Variants in GABRA1 observed in about 807,000 individuals in gnomAD.
The protein encoded by GABRA1 is gamma-aminobutyric acid receptor subunit alpha-1.
In GABRA1, 9 loss-of-function variants were observed where a neutral mutation model predicts 48.9. The ratio of observed to expected loss-of-function variants is 0.18; its 90% CI spans 0.11 to 0.32. The LOEUF (loss-of-function observed/expected upper bound fraction) is 0.32, where lower values mean the gene tolerates loss of function less well. GABRA1 is among the 10% of genes least tolerant of loss of function. The probability of loss-of-function intolerance (pLI) is 1.00; values close to 1 mark genes in which losing one functional copy is unlikely to be tolerated. For synonymous variants in GABRA1, 210 were observed against 198.7 expected, an observed-to-expected ratio of 1.06 and a Z score of -0.48; for missense variants, 285 against 553.8, an observed-to-expected ratio of 0.51 and a Z score of 4.87.
chr5:161,886,463 G>T (rs1292351999), intron 7 of GABRA1, among the ~76,000 whole-genome samples: 1 of 151,774 alleles, frequency 6.6e-6, no homozygotes. Context: ...GTAAGTGTCC[G>T]ATATTACTAT....
chr5:161,892,320 G>A (rs546666648), intron 8 of GABRA1, among the ~76,000 whole-genome samples: 1 of 152,180 alleles, frequency 6.6e-6, no homozygotes, highest in East Asian at 1.9e-4. Context: ...TTCACCTGAA[G>A]AGATTCCTAT....
chr5:161,895,562 T>A, intron 8 of GABRA1, 104 bp from the exon 9 acceptor site: 1 of 1,040,814 alleles, frequency 9.6e-7, no homozygotes, highest in Non-Finnish European at 1.5e-6. Flanking sequence ...AACCACATTC[T>A]GTCATGATAC....
chr5:161,892,047 G>A (rs1298181292), intron 8 of GABRA1, among the ~76,000 whole-genome samples: 2 of 152,184 alleles, frequency 1.3e-5, no homozygotes, highest in East Asian at 3.9e-4. Context: ...GAGCCAGGAC[G>A]AAGACCCTAG....
chr5:161,896,514 T>A (rs1755374537), intron 9 of GABRA1, among the ~76,000 whole-genome samples: 1 of 152,104 alleles, frequency 6.6e-6, no homozygotes, highest in South Asian at 2.1e-4. Context: ...TGTCACAGCT[T>A]GGGAGGATAG....
intron 1 of GABRA1, among the ~76,000 whole-genome samples, chr5:161,849,331 C>T (rs1757348474): frequency 6.6e-6 from 1 of 152,068 alleles, no homozygotes; most frequent in Admixed American, 6.5e-5. Flanking sequence ...TCCCTTGTAA[C>T]AAACGATGAA....
At chr5:161,850,761 T>C in intron 1 of GABRA1, 35 bp from the exon 2 acceptor site, 13 of 1,557,110 alleles carry the variant, frequency 8.3e-6, no homozygotes, top group Non-Finnish European at 1.2e-5. Context: ...TGTTTCTTGC[T>C]AGAGACATTG....
intron 3 of GABRA1, among the ~76,000 whole-genome samples, chr5:161,860,840 G>C (rs1309900451): frequency 6.6e-6 from 1 of 151,716 alleles, no homozygotes; most frequent in African/African-American, 2.4e-5. Context: ...CAAGTTATAA[G>C]GTGCACAGTA....
Position 161,875,626 on chromosome 5 carries a change from A to C in GABRA1, c.543A>C (p.Pro181=), listed in dbSNP as rs780800247. 1 of 1,613,260 alleles carries C rather than the reference A, an allele frequency of 6.2e-7. No individual in the cohort carries two copies. The change falls in exon 6 of 10, where the codon CCA becomes CCC. Residue 181 remains proline (P), a synonymous_variant. Transcript: ENST00000393943. ...EDFPMDAHAC[P]LKFGSYAYTR... ...TCCCTATGGATGCCCATGCTTGCCC[A>C]CTAAAATTTGGAAGTTGTGAGTAAA...
At chr5:161,859,729 T>C (rs1757780592) in intron 3 of GABRA1, among the ~76,000 whole-genome samples, 1 of 151,802 alleles carries the variant, frequency 6.6e-6, no homozygotes, top group African/African-American at 2.4e-5. Context: ...AATATCTATT[T>C]TGTATTTATA....
At chr5:161,895,582 C>T (rs1755323793) in intron 8 of GABRA1, 84 bp from the exon 9 acceptor site, 1 of 1,229,962 alleles carries the variant, frequency 8.1e-7, no homozygotes, top group East Asian at 2.5e-5. Flanking sequence ...CTGTTGATTT[C>T]CTTTTGTTCA....
Position 161,848,270 on chromosome 5 carries a change from C to T in GABRA1, c.-168C>T, listed in dbSNP as rs531965222. On this transcript the variant is annotated 5_prime_UTR_variant, in exon 1 of 10. Transcript: ENST00000393943. ...CACGCAGAGTCCATGATGGCTCAGA[C>T]CAAGTGAGTGAGAGGCAGAGCGAGG... 1.3e-5 allele frequency: 2 copies of T among 152,302 alleles called. No individual in the cohort carries two copies. The highest frequency in any genetic ancestry group is 2.4e-5 in the African/African-American group (1 of 41,478). 9.4% of individuals were successfully genotyped at this position (152,302 alleles called of 1,614,324 possible).
intron 6 of GABRA1, chr5:161,882,330 C>G: frequency 1.8e-6 from 1 of 564,340 alleles, no homozygotes; most frequent in African/African-American, 1.9e-5. Context: ...AGTATTTTGT[C>G]CTTTGTAGAT....
rs1253598923 is a variant in GABRA1 at position 161,848,133 on chromosome 5, G to A, written c.-305G>A. The A allele has an allele frequency of 6.6e-6, 1 of 152,104 alleles. No homozygotes were observed. The highest frequency in any genetic ancestry group is 2.4e-5 in the African/African-American group (1 of 41,404). 9.4% of individuals were successfully genotyped at this position (152,104 alleles called of 1,614,324 possible). A position where few individuals can be genotyped will look rare whatever the true frequency, so the allele number is the denominator to read the frequency against. On this transcript the variant is annotated 5_prime_UTR_variant, in exon 1 of 10. Transcript: ENST00000393943. Reference sequence around the variant, plus strand: ...TGAAGTCACCGCCTATTTCACATCCGGTTTGCCCTGGGACGTATTACTACT... The same window carrying A: ...TGAAGTCACCGCCTATTTCACATCCAGTTTGCCCTGGGACGTATTACTACT...
At chr5:161,882,245 G>T (rs1376812281) in intron 6 of GABRA1, 2 of 385,080 alleles carry the variant, frequency 5.2e-6, no homozygotes, top group East Asian at 5.9e-5. Context: ...ATATGTTTTT[G>T]TCCCCACTGC....
intron 3 of GABRA1, among the ~76,000 whole-genome samples, chr5:161,863,522 T>C (rs1757937881): frequency 6.6e-6 from 1 of 151,976 alleles, no homozygotes; most frequent in African/African-American, 2.4e-5. Flanking sequence ...GAGAGCTCAA[T>C]TATCACCAAG....
intron 1 of GABRA1, chr5:161,850,412 A>G (rs1439911967): frequency 6.8e-6 from 3 of 439,894 alleles, no homozygotes; most frequent in Non-Finnish European, 1.2e-5. Flanking sequence ...TGCACAGTTC[A>G]CTGTGGAAAC....
At chr5:161,895,946 G>A (rs1755346994) in intron 9 of GABRA1, 78 bp downstream of exon 9, 1 of 1,156,454 alleles carries the variant, frequency 8.6e-7, no homozygotes, top group Admixed American at 1.7e-5. Flanking sequence ...TTTGGCCTGT[G>A]GTATTGGATG....
chr5:161,848,745 G>T, intron 1 of GABRA1: 1 of 281,146 alleles, frequency 3.6e-6, no homozygotes, highest in South Asian at 2.8e-5. Flanking sequence ...ATTCCGCAGG[G>T]TGGGTGGTGG....
chr5:161,861,315 A>AT (rs899790562), intron 3 of GABRA1, among the ~76,000 whole-genome samples: 1 of 151,856 alleles, frequency 6.6e-6, no homozygotes, highest in African/African-American at 2.4e-5. Flanking sequence ...AATTATAAAA[A>AT]TTTAAAAAAG....
Sources: allele counts gnomAD v4.1 joint callset (sites outside exome capture counted in the v4.1 genomes callset), GRCh38; gene constraint gnomAD v4.1.1; transcripts MANE v1.5; gene names NCBI Gene and HGNC (gene_info 2026-07-23, HGNC 2026-07-21).